Variants in BRF1 observed in about 807,000 individuals in gnomAD.
The protein encoded by BRF1 is transcription factor IIIB 90 kDa subunit.
BRF1 carries 59 observed loss-of-function variants against 81.7 expected under a neutral mutation model. That is an observed-to-expected ratio of 0.72 (90% confidence interval 0.59 to 0.90). The LOEUF (loss-of-function observed/expected upper bound fraction) is 0.90. Ranked by LOEUF, BRF1 falls within the 40% of genes least tolerant of loss-of-function variation. The pLI is 0.00. For synonymous variants in BRF1, 491 were observed against 395.6 expected (o/e 1.24, Z -2.86); for missense variants, 1,050 against 936.3 (o/e 1.12, Z -1.58).
At chr14:105,247,686 A>C (rs2055212496) in intron 5 of BRF1, 1 of 985,246 alleles carries the variant, frequency 1.0e-6, no homozygotes, top group South Asian at 4.7e-5. Flanking sequence ...GGTTTCCTGC[A>C]TATGGAAGTT....
intron 1 of BRF1, among the ~76,000 whole-genome samples, chr14:105,311,414 C>T (rs927097735): frequency 2.6e-5 from 4 of 152,090 alleles, no homozygotes; most frequent in Non-Finnish European, 5.9e-5. Context: ...CCACCATGCC[C>T]AGGTACGTTT....
chr14:105,301,533 G>A (rs1399408050), upstream of BRF1, among the ~76,000 whole-genome samples: 2 of 152,114 alleles, frequency 1.3e-5, no homozygotes, highest in Non-Finnish European at 2.9e-5. Flanking sequence ...CAGCTGCGCT[G>A]GGGGGCCTGG....
intron 15 of BRF1, chr14:105,212,409 GC>G: frequency 4.0e-6 from 2 of 497,460 alleles, no homozygotes; most frequent in Admixed American, 3.4e-5. Context: ...AGCTGCAGAC[GC>G]CCCGCTCCCC....
intron 5 of BRF1, chr14:105,248,377 G>GGCCGCCTGCCAGCGCCGGGA (rs2055272157): frequency 3.0e-6 from 3 of 985,302 alleles, no homozygotes; most frequent in East Asian, 1.1e-4. Flanking sequence ...GTCTGGGGGC[G>GGCCGCCTGCCAGCGCCGGGA]GCCGCCTGCC....
intron 4 of BRF1, among the ~76,000 whole-genome samples, chr14:105,253,617 ACAGAGGCAAGAGC>A (rs2055725585): frequency 1.3e-5 from 2 of 152,200 alleles, no homozygotes; most frequent in Non-Finnish European, 2.9e-5. Context: ...GAGGCAAGAG[ACAGAGGCAAGAGC>A]CAGAGGCAGC....
intron 1 of BRF1, among the ~76,000 whole-genome samples, chr14:105,299,103 G>A (rs10129522): frequency 0.035 from 5,248 of 151,948 alleles, 292 homozygotes; most frequent in African/African-American, 0.12. Context: ...AGCCTGGGAG[G>A]CAGAGCTTGC....
At chr14:105,257,769 C>A (rs1277753847) in intron 3 of BRF1, among the ~76,000 whole-genome samples, 1 of 152,192 alleles carries the variant, frequency 6.6e-6, no homozygotes, top group East Asian at 1.9e-4. Context: ...CCAACACACA[C>A]CAACGGGAAA....
rs587756182 is a variant in BRF1, at chr14:105,298,134, A to G, written c.184+2312T>C. On this transcript the variant is annotated intron_variant, in intron 1 of 17. Transcript: ENST00000547530. The stretch of plus-strand genomic sequence containing the variant: ...TAGGGATGCTTAACCAGTAATTATA[A>G]TGCAGATATTCCAAAATCAGAAAAC... Among the ~76,000 whole-genome samples the G allele has an allele frequency of 4.1e-3, 621 of 152,368 alleles. 9 individuals are homozygous for G. Among genetic ancestry groups the G allele is most frequent in the African/African-American group, 0.014 (595 of 41,582 alleles).
chr14:105,309,585 TC>T lies in BRF1; in HGVS notation c.-162+5736del, dbSNP rs2058287731. On this transcript the variant is annotated intron_variant, in intron 1 of 17. Coordinates refer to the BRF1 transcript ENST00000327359. This position sits in a 1 kb window ranked among gnomAD's most constrained non-coding sequence, Gnocchi z 4.0. ...GGATACCCATGAGCCCAGGCAAATC[TC>T]CCAAGACGCTGCCAAGCCACTCTGC... is the stretch of plus-strand genomic sequence containing the variant. Among the ~76,000 whole-genome samples, 1 of 152,086 alleles carries T rather than the reference TC, an allele frequency of 6.6e-6. No homozygotes were observed. Among genetic ancestry groups the T allele is most frequent in the South Asian group, 2.1e-4 (1 of 4,836 alleles).
intron 8 of BRF1, among the ~76,000 whole-genome samples, 160 bp downstream of exon 8, chr14:105,226,474 A>C (rs972951937): frequency 1.3e-5 from 2 of 152,178 alleles, no homozygotes; most frequent in African/African-American, 4.8e-5. Flanking sequence ...AGTCTGTGTG[A>C]GGGGCATCCC....
At chr14:105,219,734 T>G in intron 12 of BRF1, 2 of 457,544 alleles carry the variant, frequency 4.4e-6, no homozygotes, top group Non-Finnish European at 4.0e-6. Context: ...GCATGTGGAG[T>G]CAGTGGGTGC....
At chr14:105,228,937 C>A (rs368311810) in intron 6 of BRF1, 24 bp from the exon 7 acceptor site, 3 of 1,609,780 alleles carry the variant, frequency 1.9e-6, no homozygotes, top group Non-Finnish European at 2.5e-6. Context: ...AGACGGGCCT[C>A]GTCAACCACG....
intron 4 of BRF1, among the ~76,000 whole-genome samples, chr14:105,253,273 G>T (rs1456554587): frequency 6.6e-6 from 1 of 152,220 alleles, no homozygotes; most frequent in Admixed American, 6.5e-5. Flanking sequence ...GCTGGCTGGG[G>T]GAGGACACTT....
At chr14:105,250,668 C>G in intron 5 of BRF1, 3 of 1,603,528 alleles carry the variant, frequency 1.9e-6, no homozygotes, top group Non-Finnish European at 2.6e-6. Context: ...ATTTTCTATG[C>G]CTGAGGTGCC....
intron 1 of BRF1, among the ~76,000 whole-genome samples, chr14:105,310,175 T>A (rs933069476): frequency 6.6e-6 from 1 of 152,108 alleles, no homozygotes; most frequent in Non-Finnish European, 1.5e-5. Flanking sequence ...CTCTAACCAT[T>A]TTCCACTGGG....
At chr14:105,279,993 A>T (rs2057003074) in intron 2 of BRF1, among the ~76,000 whole-genome samples, 1 of 152,236 alleles carries the variant, frequency 6.6e-6, no homozygotes, top group Non-Finnish European at 1.5e-5. Flanking sequence ...TGCTGGGAGC[A>T]CAAAATGGCT....
chr14:105,313,542 G>C (rs1434618054), intron 1 of BRF1, among the ~76,000 whole-genome samples: 2 of 152,248 alleles, frequency 1.3e-5, no homozygotes, highest in African/African-American at 4.8e-5. Flanking sequence ...TCTAGATACA[G>C]GAGTTACAGC....
chr14:105,268,702 G>A (rs1462489079), intron 3 of BRF1, among the ~76,000 whole-genome samples: 1 of 152,224 alleles, frequency 6.6e-6, no homozygotes. Flanking sequence ...ATCCTGGGGG[G>A]CCTCTCCTGG....
chr14:105,292,424 G>A (rs587682369), intron 1 of BRF1, among the ~76,000 whole-genome samples: 4 of 152,156 alleles, frequency 2.6e-5, no homozygotes, highest in East Asian at 1.9e-4. Flanking sequence ...TGTTGCCCAC[G>A]CTGGTCTCAA....
Sources: gnomAD v4.1 joint callset for allele counts (sites outside exome capture counted in the v4.1 genomes callset) on GRCh38, gnomAD v4.1.1 for gene constraint, Gnocchi (gnomAD v3.1) non-coding constraint, MANE v1.5 for transcripts, NCBI Gene and HGNC (gene_info 2026-07-23, HGNC 2026-07-21) for gene names.